The following COL4A1 variants were observed in gnomAD, a reference collection of about 807,000 sequenced individuals.
The protein encoded by COL4A1 is collagen type IV alpha 1 chain.
COL4A1 carries 40 observed loss-of-function variants against 216.6 expected under a neutral mutation model. That is an observed-to-expected ratio of 0.18 (90% confidence interval 0.14 to 0.24). COL4A1 has a LOEUF of 0.24. Ranked by LOEUF, COL4A1 falls within the 10% of genes least tolerant of loss-of-function variation. The probability of loss-of-function intolerance (pLI) is 1.00; values close to 1 mark genes in which losing one functional copy is unlikely to be tolerated. For synonymous variants in COL4A1, 839 were observed against 810.7 expected (o/e 1.03, Z -0.59); for missense variants, 1,628 against 2,196.8 (o/e 0.74, Z 5.18).
chr13:110,229,446 C>T (rs1880902781), intron 2 of COL4A1, among the ~76,000 whole-genome samples: 2 of 152,166 alleles, frequency 1.3e-5, no homozygotes, highest in Admixed American at 1.3e-4. Context: ...CAGCCAATTA[C>T]ACAGTTACTT....
chr13:110,181,225 A>AT, intron 29 of COL4A1, 67 bp downstream of exon 29: 8 of 1,520,250 alleles, frequency 5.3e-6, no homozygotes, highest in Non-Finnish European at 7.3e-6. Context: ...CACAACCTGC[A>AT]TTTTTTCCAT....
In COL4A1 at chr13:110,163,959, GTTC is replaced by G. The variant is rs201067974; in HGVS notation, c.4151-401_4151-399del. 8.5e-3 allele frequency among the ~76,000 whole-genome samples: 1,195 copies of G among 140,254 alleles called. 11 individuals are homozygous for G. Among genetic ancestry groups the G allele is most frequent in the African/African-American group, 0.021 (814 of 38,538 alleles). The allele number at this position is 140,254 out of a possible 152,430, so 92.0% of individuals were successfully genotyped here. On this transcript the variant is annotated intron_variant, in intron 46 of 51. Transcript: ENST00000375820. ...TTTTTTGTTTTCATGTACATAGCTT[GTTC>G]TTCTTCTTTCTTTCTCTCTCTCTTT...
intron 1 of COL4A1, among the ~76,000 whole-genome samples, chr13:110,276,122 G>A (rs944314592): frequency 1.3e-5 from 2 of 151,970 alleles, no homozygotes; most frequent in Non-Finnish European, 2.9e-5. Context: ...ACTCTGGTGC[G>A]GGATGTAGAG....
intron 2 of COL4A1, among the ~76,000 whole-genome samples, chr13:110,219,888 G>GTATATATGTATATA (rs1566386039): frequency 2.5e-5 from 2 of 81,012 alleles, no homozygotes; most frequent in South Asian, 3.6e-4. Context: ...GTATATATAT[G>GTATATATGTATATA]TGTGTATATA....
intron 41 of COL4A1, among the ~76,000 whole-genome samples, chr13:110,171,226 G>C (rs1481626803): frequency 6.6e-6 from 1 of 152,186 alleles, no homozygotes; most frequent in African/African-American, 2.4e-5. Flanking sequence ...ACTACGAAGT[G>C]TATGGTTTTA....
chr13:110,259,427 A>G (rs1268669077), intron 1 of COL4A1, among the ~76,000 whole-genome samples: 2 of 152,242 alleles, frequency 1.3e-5, no homozygotes, highest in East Asian at 1.9e-4. Context: ...AAGCGTGTCT[A>G]CAAAATCTAG....
chr13:110,193,118 G>A lies in COL4A1; in HGVS notation c.1382-205C>T, dbSNP rs79557548. 0.09 allele frequency among the ~76,000 whole-genome samples: 13,682 copies of A among 152,258 alleles called. 610 individuals are homozygous for A. The highest frequency in any genetic ancestry group is 0.12 in the East Asian group (640 of 5,168). On this transcript the variant is annotated intron_variant, in intron 22 of 51. Coordinates refer to ENST00000375820, the MANE Select transcript of COL4A1 (RefSeq NM_001845.6). Reference sequence around the variant, plus strand: ...CGCACGTCCCTGTCTGTCAATGAACGGGCCCACTGCCCCCAGCACGCGTCA... The same window carrying A: ...CGCACGTCCCTGTCTGTCAATGAACAGGCCCACTGCCCCCAGCACGCGTCA...
intron 1 of COL4A1, chr13:110,265,478 G>A (rs941408059): frequency 3.3e-5 from 5 of 152,254 alleles, no homozygotes; most frequent in Admixed American, 2.6e-4. Context: ...CAGGAGAGAC[G>A]ACACATGTGC....
intron 22 of COL4A1, among the ~76,000 whole-genome samples, chr13:110,193,188 C>T (rs554445531): frequency 1.5e-3 from 224 of 152,350 alleles, no homozygotes; most frequent in African/African-American, 5.1e-3. Flanking sequence ...GTTCTTCTCC[C>T]AGCGAAAAGA....
chr13:110,231,609 C>G (rs1214129208), intron 2 of COL4A1, among the ~76,000 whole-genome samples: 1 of 152,170 alleles, frequency 6.6e-6, no homozygotes, highest in East Asian at 1.9e-4. Flanking sequence ...CATCTTCCAT[C>G]ATGAACCTGT....
intron 49 of COL4A1, among the ~76,000 whole-genome samples, chr13:110,157,650 C>A (rs1019578700): frequency 2.0e-5 from 3 of 152,200 alleles, no homozygotes; most frequent in African/African-American, 7.2e-5. Context: ...ACATAAAAAT[C>A]TGGAAATGTA....
At chr13:110,238,458 C>T (rs927460855) in intron 2 of COL4A1, among the ~76,000 whole-genome samples, 1 of 152,206 alleles carries the variant, frequency 6.6e-6, no homozygotes, top group African/African-American at 2.4e-5. Context: ...AGAACCTAGT[C>T]TATATCTAAG....
chr13:110,278,801 A>C (rs1883517121), intron 1 of COL4A1, among the ~76,000 whole-genome samples: 1 of 152,148 alleles, frequency 6.6e-6, no homozygotes, highest in African/African-American at 2.4e-5. Context: ...CACCTTCTCC[A>C]TCTGCCTAGA....
Position 110,286,108 on chromosome 13 carries a change from C to T in COL4A1, c.84+20836G>A, listed in dbSNP as rs188394163. Among the ~76,000 whole-genome samples the T allele has an allele frequency of 5.3e-3, 804 of 152,246 alleles. 6 individuals are homozygous for T. The highest frequency in any genetic ancestry group is 0.018 in the African/African-American group (763 of 41,536). On this transcript the variant is annotated intron_variant, in intron 1 of 51. Coordinates refer to ENST00000375820, the MANE Select transcript of COL4A1 (RefSeq NM_001845.6). ...CTGGAAGGAGGGAAAGGACTGGATA[C>T]GGGAATGCCCTAAGGAGAAACTGCC...
intron 2 of COL4A1, among the ~76,000 whole-genome samples, chr13:110,233,547 G>C (rs1282774418): frequency 6.6e-6 from 1 of 152,144 alleles, no homozygotes; most frequent in Non-Finnish European, 1.5e-5. Flanking sequence ...GCTGGCCGAT[G>C]GGAGGGAGGA....
At chr13:110,249,249 C>T (rs185511064) in intron 1 of COL4A1, among the ~76,000 whole-genome samples, 10 of 152,084 alleles carry the variant, frequency 6.6e-5, no homozygotes, top group African/African-American at 1.7e-4. Flanking sequence ...TTGCTTGTTG[C>T]GGGCGGTGAC....
At chr13:110,177,756 A>G in intron 33 of COL4A1, 86 bp downstream of exon 33, 3 of 1,418,146 alleles carry the variant, frequency 2.1e-6, no homozygotes, top group East Asian at 2.3e-5. Context: ...TTAAAGGGAA[A>G]TATGATCTAT....
intron 26 of COL4A1, among the ~76,000 whole-genome samples, chr13:110,185,370 G>A: frequency 6.6e-6 from 1 of 151,880 alleles, no homozygotes; most frequent in Non-Finnish European, 1.5e-5. Flanking sequence ...GGTCTCCAAT[G>A]TCTGACCTTG....
chr13:110,252,682 A>ATG lies in COL4A1; in HGVS notation c.85-9949_85-9948insCA, dbSNP rs1415252363. On this transcript the variant is annotated intron_variant, in intron 1 of 51. Coordinates refer to ENST00000375820, the MANE Select transcript of COL4A1 (RefSeq NM_001845.6). ...ATATGTATATATACATATAATATGT[A>ATG]TATATACATATAATTATATGTATAT... Among the ~76,000 whole-genome samples the ATG allele has an allele frequency of 9.8e-4, 141 of 143,446 alleles. 1 individual carries two copies. The Middle Eastern group carries it at 0.019, about 20-fold the overall frequency. 94.1% of individuals were successfully genotyped at this position (143,446 alleles called of 152,430 possible). A position where few individuals can be genotyped will look rare whatever the true frequency, so the allele number is the denominator to read the frequency against.
Sources: allele counts gnomAD v4.1 joint callset (sites outside exome capture counted in the v4.1 genomes callset), GRCh38; gene constraint gnomAD v4.1.1; transcripts MANE v1.5; gene names NCBI Gene and HGNC (gene_info 2026-07-23, HGNC 2026-07-21).